Variants in UBE2E2 observed in about 807,000 individuals in gnomAD.
UBE2E2 encodes ubiquitin conjugating enzyme E2 E2.
In UBE2E2, 6 loss-of-function variants were observed where a neutral mutation model predicts 24.7. That is an observed-to-expected ratio of 0.24 (90% confidence interval 0.13 to 0.48). UBE2E2 has a LOEUF of 0.48. UBE2E2 is among the 20% of genes least tolerant of loss of function. The probability of loss-of-function intolerance (pLI) is 0.99; values close to 1 mark genes in which losing one functional copy is unlikely to be tolerated. For synonymous variants in UBE2E2, 104 were observed against 83.6 expected (o/e 1.24, Z -1.33); for missense variants, 169 against 245.0 (o/e 0.69, Z 2.07).
rs544075629 is a variant in UBE2E2 at position 23,315,422 on chromosome 3, A to G, written c.227+98110A>G. Among the ~76,000 whole-genome samples, 25 of 151,872 alleles carry G rather than the reference A, an allele frequency of 1.6e-4. No individual in the cohort carries two copies. The East Asian group carries it at 4.9e-3, about 30-fold the overall frequency. ...CTATTATGAGACTGATACATTCTTC[A>G]GTATGTCAGTTGCATTTTTCAACTA... On this transcript the variant is annotated intron_variant, in intron 3 of 5. Coordinates refer to ENST00000396703, the MANE Select transcript of UBE2E2 (RefSeq NM_152653.4).
At chr3:23,494,290 A>T (rs1699559211) in intron 3 of UBE2E2, among the ~76,000 whole-genome samples, 1 of 152,366 alleles carries the variant, frequency 6.6e-6, no homozygotes, top group African/African-American at 2.4e-5. Flanking sequence ...AAGGAAAAAA[A>T]TAAGCAAAGC....
rs1356594765 is a variant in UBE2E2 at position 23,266,911 on chromosome 3, C to T, written c.227+49599C>T. On this transcript the variant is annotated intron_variant, in intron 3 of 5. Transcript: ENST00000396703. Reference sequence around the variant, plus strand: ...CAGGATTAAGAAACTCACTCAAAACCATGCAACTACATGGAAACTGAACAA... The same window carrying T: ...CAGGATTAAGAAACTCACTCAAAACTATGCAACTACATGGAAACTGAACAA... Among the ~76,000 whole-genome samples the T allele has an allele frequency of 3.3e-5, 5 of 152,234 alleles. No individual in the cohort carries two copies. The South Asian group carries it at 8.3e-4, about 25-fold the overall frequency.
intron 5 of UBE2E2, among the ~76,000 whole-genome samples, chr3:23,548,023 AT>A (rs1695562949): frequency 2.0e-5 from 3 of 152,334 alleles, no homozygotes; most frequent in Admixed American, 1.3e-4. Flanking sequence ...TAAGGTTAGC[AT>A]TAGACTCTCT....
chr3:23,240,282 C>T (rs1697222646), intron 3 of UBE2E2, among the ~76,000 whole-genome samples: 1 of 152,102 alleles, frequency 6.6e-6, no homozygotes, highest in Non-Finnish European at 1.5e-5. Flanking sequence ...GCATTGCTTA[C>T]AGGGCTTAAT....
chr3:23,376,445 T>G (rs6801824), intron 3 of UBE2E2, among the ~76,000 whole-genome samples: 10 of 152,262 alleles, frequency 6.6e-5, no homozygotes, highest in African/African-American at 2.2e-4. Flanking sequence ...GGAGTATACT[T>G]GATAGGTAAG....
At chr3:23,391,262 A>G (rs1011283037) in intron 3 of UBE2E2, among the ~76,000 whole-genome samples, 1 of 152,210 alleles carries the variant, frequency 6.6e-6, no homozygotes, top group African/African-American at 2.4e-5. Flanking sequence ...AGTCAGCCTA[A>G]GTTGCCAGTT....
chr3:23,398,223 G>T (rs1697126748), intron 3 of UBE2E2, among the ~76,000 whole-genome samples: 1 of 145,990 alleles, frequency 6.8e-6, no homozygotes, highest in Non-Finnish European at 1.5e-5. Flanking sequence ...TGAGGCAAGA[G>T]AATCACTTGA....
rs146689465 is a variant in UBE2E2, at chr3:23,454,216, T to G, written c.228-45392T>G. ...TTATTTTAATACTTTATAAACTGATTTTTTAAATTTTAACAGTACTTAAAT... is the reference window on the plus strand; with the variant it reads ...TTATTTTAATACTTTATAAACTGATGTTTTAAATTTTAACAGTACTTAAAT... On this transcript the variant is annotated intron_variant, in intron 3 of 5. Coordinates refer to ENST00000396703, the MANE Select transcript of UBE2E2 (RefSeq NM_152653.4). Among the ~76,000 whole-genome samples the G allele has an allele frequency of 7.2e-5, 11 of 152,354 alleles. No individual in the cohort carries two copies. In the East Asian group the frequency reaches 2.1e-3, roughly 29 times the overall value.
intron 3 of UBE2E2, among the ~76,000 whole-genome samples, chr3:23,296,541 A>G (rs957985363): frequency 2.0e-5 from 3 of 151,986 alleles, no homozygotes; most frequent in Non-Finnish European, 4.4e-5. Flanking sequence ...TCCCACCTAT[A>G]ACTGAGAACA....
chr3:23,358,922 A>T (rs990168804), intron 3 of UBE2E2, among the ~76,000 whole-genome samples: 3 of 152,210 alleles, frequency 2.0e-5, no homozygotes, highest in Admixed American at 6.5e-5. Flanking sequence ...TATATCCAGT[A>T]AATTGACCAA....
intron 3 of UBE2E2, among the ~76,000 whole-genome samples, chr3:23,337,121 C>T (rs1375205126): frequency 7.2e-6 from 1 of 139,794 alleles, no homozygotes; most frequent in Non-Finnish European, 1.5e-5. Flanking sequence ...GCCTGGGCAA[C>T]AGAGTGAGAG....
At chr3:23,295,304 T>C (rs1208377714) in intron 3 of UBE2E2, among the ~76,000 whole-genome samples, 1 of 152,194 alleles carries the variant, frequency 6.6e-6, no homozygotes. Context: ...TTTTTTATTT[T>C]TGTTTTTGGC....
chr3:23,292,020 G>A (rs929453987), intron 3 of UBE2E2, among the ~76,000 whole-genome samples: 7 of 151,800 alleles, frequency 4.6e-5, no homozygotes, highest in South Asian at 2.1e-4. Context: ...CACCGCACCC[G>A]GCTAATTTTT....
At chr3:23,366,097 A>G (rs1696249781) in intron 3 of UBE2E2, among the ~76,000 whole-genome samples, 2 of 152,144 alleles carry the variant, frequency 1.3e-5, no homozygotes, top group African/African-American at 4.8e-5. Context: ...AGAAATGCAA[A>G]TCAAAACCAC....
At chr3:23,458,220 C>T (rs140243495) in intron 3 of UBE2E2, among the ~76,000 whole-genome samples, 154 of 151,904 alleles carry the variant, frequency 1.0e-3, no homozygotes, top group South Asian at 2.3e-3. Context: ...AGTATTGTTG[C>T]GTCGCAGGGA....
chr3:23,283,215 T>A (rs1022942617), intron 3 of UBE2E2, among the ~76,000 whole-genome samples: 8 of 150,022 alleles, frequency 5.3e-5, no homozygotes, highest in African/African-American at 2.0e-4. Flanking sequence ...GTAAAAAACT[T>A]TTTTTTTTTC....
chr3:23,502,304 C>G (rs766132363), intron 4 of UBE2E2, among the ~76,000 whole-genome samples: 2 of 151,272 alleles, frequency 1.3e-5, no homozygotes, highest in African/African-American at 2.4e-5. Context: ...GAAGAATGAA[C>G]CAGGGAAGCA....
intron 3 of UBE2E2, among the ~76,000 whole-genome samples, chr3:23,327,329 G>A (rs1694928035): frequency 6.6e-6 from 1 of 152,114 alleles, no homozygotes; most frequent in Non-Finnish European, 1.5e-5. Context: ...ATCCTCTCCA[G>A]CACCTGTTGT....
intron 3 of UBE2E2, among the ~76,000 whole-genome samples, chr3:23,409,716 A>G (rs914414618): frequency 9.9e-5 from 15 of 152,212 alleles, no homozygotes; most frequent in South Asian, 4.1e-4. Context: ...TCCAGAGGCT[A>G]GAAGTCTGAA....
Sources: gnomAD v4.1 joint callset for allele counts (sites outside exome capture counted in the v4.1 genomes callset) on GRCh38, gnomAD v4.1.1 for gene constraint, MANE v1.5 for transcripts, NCBI Gene and HGNC (gene_info 2026-07-23, HGNC 2026-07-21) for gene names.